MCTP2: variants seen among roughly 807,000 people sequenced by gnomAD.
The protein encoded by MCTP2 is multiple C2 and transmembrane domain containing 2, also known as multiple C2 and transmembrane domain-containing protein 2.
Under a neutral mutation model 111.6 loss-of-function variants are expected in MCTP2, and 132 were observed. That is an observed-to-expected ratio of 1.18 (90% CI 1.03 to 1.37). The LOEUF is 1.37. Ranked by LOEUF, MCTP2 falls within the 40% of genes most tolerant of loss-of-function variation. The pLI is 0.00. For missense variants in MCTP2, 1,183 were observed against 1,067.9 expected (o/e 1.11, Z -1.50); for synonymous variants, 395 against 387.7 (o/e 1.02, Z -0.22).
chr15:94,266,327 C>T lies in MCTP2; in HGVS notation c.-65-31874C>T, dbSNP rs183511869. ...ATTGCATGCAAATATTTTTTTGACTCGTTTGTATTTTTATTATTATAATTA... is the reference window on the plus strand; with the variant it reads ...ATTGCATGCAAATATTTTTTTGACTTGTTTGTATTTTTATTATTATAATTA... On this transcript the variant is annotated intron_variant, in intron 1 of 22. Coordinates refer to ENST00000357742, the MANE Select transcript of MCTP2 (RefSeq NM_001385001.1). 1.2e-4 allele frequency among the ~76,000 whole-genome samples: 18 copies of T among 152,186 alleles called. No homozygotes were observed. The East Asian group carries it at 2.3e-3, about 20-fold the overall frequency.
intron 19 of MCTP2, among the ~76,000 whole-genome samples, chr15:94,452,267 A>G (rs1359541771): frequency 6.6e-6 from 1 of 152,244 alleles, no homozygotes; most frequent in Non-Finnish European, 1.5e-5. Context: ...AATCAATAGC[A>G]TCTTGTTTTA....
rs1427800103 is a variant in MCTP2, at chr15:94,256,826, A to C, written c.-66+25162A>C. Among the ~76,000 whole-genome samples, 5 of 152,192 alleles carry C rather than the reference A, an allele frequency of 3.3e-5. No individual in the cohort carries two copies. The South Asian group carries it at 8.3e-4, about 25-fold the overall frequency. On this transcript the variant is annotated intron_variant, in intron 1 of 22. Transcript: ENST00000357742. ...AATGAAGAAACAAATCATAAATCAA[A>C]GAACCTTTGATACTTCTCCTTCCTT... is the stretch of plus-strand genomic sequence containing the variant.
intron 10 of MCTP2, among the ~76,000 whole-genome samples, chr15:94,365,130 C>G (rs1311461532): frequency 1.3e-5 from 2 of 152,150 alleles, no homozygotes; most frequent in Non-Finnish European, 2.9e-5. Flanking sequence ...TCCAGAAAGA[C>G]TAAGTTTTAA....
intron 14 of MCTP2, among the ~76,000 whole-genome samples, chr15:94,390,114 GTATATA>G (rs1215325329): frequency 5.0e-5 from 1 of 20,088 alleles, no homozygotes; most frequent in African/African-American, 1.4e-4. Context: ...ATATATATAT[GTATATA>G]TATATATATA....
At chr15:94,351,711 T>C (rs1370467359) in intron 8 of MCTP2, among the ~76,000 whole-genome samples, 1 of 152,214 alleles carries the variant, frequency 6.6e-6, no homozygotes, top group Non-Finnish European at 1.5e-5. Context: ...ACTTCTCTCT[T>C]TGTTGGTTGG....
chr15:94,250,576 G>C (rs1255904750), intron 1 of MCTP2, among the ~76,000 whole-genome samples: 12 of 152,144 alleles, frequency 7.9e-5, no homozygotes, highest in Non-Finnish European at 1.8e-4. Context: ...TTAGCTAAAT[G>C]AATTTATACC....
chr15:94,338,713 A>G (rs541130245), intron 4 of MCTP2, among the ~76,000 whole-genome samples: 3 of 152,310 alleles, frequency 2.0e-5, no homozygotes, highest in Admixed American at 6.5e-5. Context: ...TGGCTGAGAC[A>G]ATGTTGGCTG....
rs1419862735 is a variant in MCTP2 at position 94,345,175 on chromosome 15, T to C, written c.1005+11T>C. ...TTAAGTGCCAGCAAGGTAAATATAC[T>C]TTTTTTTCCTTTAGATCATTTGGTT... On this transcript the variant is annotated intron_variant, in intron 8 of 22. Coordinates refer to ENST00000357742, the MANE Select transcript of MCTP2 (RefSeq NM_001385001.1). 2.5e-6 allele frequency: 4 copies of C among 1,604,070 alleles called. No homozygotes were observed. Among genetic ancestry groups the C allele is most frequent in the Admixed American group, 1.7e-5 (1 of 59,664 alleles).
intron 17 of MCTP2, among the ~76,000 whole-genome samples, chr15:94,437,200 C>T (rs12440461): frequency 0.056 from 7,692 of 136,156 alleles, 260 homozygotes; most frequent in East Asian, 0.16. Context: ...CTAGGAGGAA[C>T]GTAACATATA....
At chr15:94,422,736 CTA>C (rs1227733181) in intron 17 of MCTP2, among the ~76,000 whole-genome samples, 1 of 152,222 alleles carries the variant, frequency 6.6e-6, no homozygotes, top group Admixed American at 6.5e-5. Flanking sequence ...AGCCGTTGCT[CTA>C]TGAACCAGCA....
At chr15:94,475,662 C>CA (rs2074290150) in intron 21 of MCTP2, among the ~76,000 whole-genome samples, 1 of 152,110 alleles carries the variant, frequency 6.6e-6, no homozygotes, top group Non-Finnish European at 1.5e-5. Flanking sequence ...TTCAGAAGGC[C>CA]ACCTAGTCTT....
At chr15:94,400,124 C>T in intron 16 of MCTP2, 129 bp downstream of exon 16, 10 of 710,916 alleles carry the variant, frequency 1.4e-5, no homozygotes, top group Non-Finnish European at 2.2e-5. Flanking sequence ...TCCCTCTTGC[C>T]CCATCTCTCC....
At chr15:94,329,026 G>C (rs1386244736) in intron 4 of MCTP2, among the ~76,000 whole-genome samples, 1 of 152,138 alleles carries the variant, frequency 6.6e-6, no homozygotes, top group Non-Finnish European at 1.5e-5. Context: ...GAAGCTCAGG[G>C]CTCCAGGCAC....
Position 94,295,949 on chromosome 15 carries a change from G to C in MCTP2, c.-65-2252G>C, listed in dbSNP as rs560849482. On this transcript the variant is annotated intron_variant, in intron 1 of 22. Transcript: ENST00000357742. ...AAAAAATTCTGTCTGGTTGTAATTA[G>C]TGTGGAATTTGTATAAATTCTTTTT... Among the ~76,000 whole-genome samples, 10 of 151,872 alleles carry C rather than the reference G, an allele frequency of 6.6e-5. No individual in the cohort carries two copies. In the South Asian group the frequency reaches 2.1e-3, roughly 32 times the overall value.
chr15:94,277,048 T>C (rs1303451770), intron 1 of MCTP2, among the ~76,000 whole-genome samples: 1 of 151,852 alleles, frequency 6.6e-6, no homozygotes, highest in Non-Finnish European at 1.5e-5. Flanking sequence ...CATAGATAAT[T>C]AGAGTTTACA....
intron 4 of MCTP2, among the ~76,000 whole-genome samples, chr15:94,336,677 A>G (rs1368218194): frequency 6.1e-5 from 2 of 32,818 alleles, no homozygotes; most frequent in Non-Finnish European, 1.3e-4. Flanking sequence ...TTTGCTTAGC[A>G]TATATATATA....
At chr15:94,361,987 T>C (rs1342325237) in intron 10 of MCTP2, among the ~76,000 whole-genome samples, 1 of 152,170 alleles carries the variant, frequency 6.6e-6, no homozygotes, top group Non-Finnish European at 1.5e-5. Flanking sequence ...TGGAACTTGC[T>C]GACTTCCCCT....
chr15:94,383,061 G>A lies in MCTP2; in HGVS notation c.1583-961G>A, dbSNP rs545172613. Among the ~76,000 whole-genome samples, 4 of 151,778 alleles carry A rather than the reference G, an allele frequency of 2.6e-5. No individual in the cohort carries two copies. The East Asian group carries it at 7.8e-4, about 30-fold the overall frequency. On this transcript the variant is annotated intron_variant, in intron 12 of 22. Coordinates refer to ENST00000357742, the MANE Select transcript of MCTP2 (RefSeq NM_001385001.1). Reference sequence around the variant, plus strand: ...TGAAAGATGAGCTTAATTTTTTTTTGTTAAGTTAAAAACTCTGACCTTTAT... The same window carrying A: ...TGAAAGATGAGCTTAATTTTTTTTTATTAAGTTAAAAACTCTGACCTTTAT...
chr15:94,277,994 A>G (rs1196357197), intron 1 of MCTP2, among the ~76,000 whole-genome samples: 1 of 152,172 alleles, frequency 6.6e-6, no homozygotes, highest in East Asian at 1.9e-4. Context: ...GTCTTTGTAA[A>G]TCTAAAACTG....
Sources: allele counts gnomAD v4.1 joint callset (sites outside exome capture counted in the v4.1 genomes callset), GRCh38; gene constraint gnomAD v4.1.1; transcripts MANE v1.5; gene names NCBI Gene and HGNC (gene_info 2026-07-23, HGNC 2026-07-21).